GPC1: variants seen among roughly 807,000 people sequenced by gnomAD.
The protein encoded by GPC1 is glypican-1.
In GPC1, 26 loss-of-function variants were observed where a neutral mutation model predicts 51.5. The observed-to-expected ratio is 0.50, with a 90% CI of 0.37 to 0.70. The LOEUF is 0.70. Among genes scored for constraint, GPC1 ranks in the 30% least tolerant of loss-of-function variants. The pLI is 0.00. For synonymous variants in GPC1, 380 were observed against 348.3 expected (o/e 1.09, Z -1.01); for missense variants, 775 against 800.5 (o/e 0.97, Z 0.38).
chr2:240,446,084 C>T (rs80157718), intron 1 of GPC1, among the ~76,000 whole-genome samples: 3 of 152,366 alleles, frequency 2.0e-5, no homozygotes, highest in African/African-American at 7.2e-5. Flanking sequence ...AGAGAAAGTC[C>T]GGCTGACCTG....
In GPC1 at chr2:240,467,671, C is replaced by T. The variant is rs2074276482; in HGVS notation, c.*1381C>T. On this transcript the variant is annotated 3_prime_UTR_variant, in exon 9 of 9. Transcript: ENST00000264039. ...GAGGAGGCCGCTTAGTGCTGCTTTG[C>T]TTTTCATCACCGTCCCGCACAGTGG... 1 of 152,352 alleles carries T rather than the reference C, an allele frequency of 6.6e-6. No individual in the cohort carries two copies. The highest frequency in any genetic ancestry group is 6.5e-5 in the Admixed American group (1 of 15,286). 9.4% of individuals were successfully genotyped at this position (152,352 alleles called of 1,614,324 possible). A position where few individuals can be genotyped will look rare whatever the true frequency, so the allele number is the denominator to read the frequency against.
Position 240,464,710 on chromosome 2 carries a change from C to T in GPC1, c.978C>T (p.Asn326=), listed in dbSNP as rs950413778. The T allele has an allele frequency of 1.5e-5, 24 of 1,611,688 alleles. No homozygotes were observed. Among genetic ancestry groups the T allele is most frequent in the Middle Eastern group, 1.6e-4 (1 of 6,082 alleles). ...SVHTWLAEAI[N]ALQDNRDTLT... is the part of the protein sequence containing the mutation. ...ACACGTGGCTGGCGGAGGCCATCAA[C>T]GCCCTCCAGGACAACAGGGACACGC... is the stretch of plus-strand genomic sequence containing the variant. Residue 326 remains asparagine (N), a synonymous_variant, in exon 5 of 9, where the codon AAC becomes AAT. Transcript: ENST00000264039.
At chr2:240,461,833 G>A (rs1442403059) in intron 2 of GPC1, among the ~76,000 whole-genome samples, 1 of 152,036 alleles carries the variant, frequency 6.6e-6, no homozygotes, top group Non-Finnish European at 1.5e-5. Context: ...TTACCCCAGT[G>A]AGTCCCCATC....
intron 1 of GPC1, chr2:240,451,985 T>C (rs1357966480): frequency 6.5e-6 from 1 of 152,854 alleles, no homozygotes; most frequent in Non-Finnish European, 1.5e-5. Flanking sequence ...CCTGCCTTGG[T>C]GGTCTGTCCA....
intron 8 of GPC1, 145 bp from the exon 9 acceptor site, chr2:240,465,912 AG>A: frequency 1.6e-6 from 1 of 627,404 alleles, no homozygotes; most frequent in Non-Finnish European, 2.8e-6. Flanking sequence ...TCCCAGCCTC[AG>A]GGGTCAGCGG....
chr2:240,461,296 C>G (rs1192462800), intron 2 of GPC1, among the ~76,000 whole-genome samples: 1 of 152,182 alleles, frequency 6.6e-6, no homozygotes, highest in Non-Finnish European at 1.5e-5. Context: ...GGCTTGACGG[C>G]CCCCGTGCCT....
chr2:240,450,509 G>C, intron 1 of GPC1: 1 of 444,992 alleles, frequency 2.2e-6, no homozygotes, highest in Non-Finnish European at 4.8e-6. Flanking sequence ...TACAGCTGCT[G>C]TGAAGATGAA....
At chr2:240,456,768 C>T (rs911994928) in intron 1 of GPC1, 9 of 377,770 alleles carry the variant, frequency 2.4e-5, no homozygotes, top group African/African-American at 4.2e-5. Context: ...CCTGCCCCCA[C>T]GGGGGTGGGA....
At chr2:240,447,548 C>A (rs1417615656) in intron 1 of GPC1, among the ~76,000 whole-genome samples, 1 of 152,190 alleles carries the variant, frequency 6.6e-6, no homozygotes, top group Non-Finnish European at 1.5e-5. Context: ...TGGGGAAAGC[C>A]ACACCCTTGG....
chr2:240,457,021 C>G (rs1193648603), intron 1 of GPC1, among the ~76,000 whole-genome samples: 1 of 152,218 alleles, frequency 6.6e-6, no homozygotes, highest in Non-Finnish European at 1.5e-5. Flanking sequence ...CCCCCTCCAG[C>G]AGGCATCTGG....
intron 1 of GPC1, among the ~76,000 whole-genome samples, chr2:240,454,590 C>T (rs2074138701): frequency 6.6e-6 from 1 of 152,328 alleles, no homozygotes; most frequent in East Asian, 1.9e-4. Context: ...GGCTGCGGTG[C>T]CTGGAGCTCT....
At chr2:240,436,268 C>G (rs537681953) in intron 1 of GPC1, among the ~76,000 whole-genome samples, 184 bp downstream of exon 1, 1 of 152,112 alleles carries the variant, frequency 6.6e-6, no homozygotes, top group South Asian at 2.1e-4. Flanking sequence ...GCCTCCAAGC[C>G]CCGCGCCGCA....
At position 240,466,765 on chromosome 2, in the gene GPC1, T is replaced by A; in HGVS notation, c.*475T>A. ...AGAAGCCCCGCACGGGCTGTCTGGG[T>A]GTCCGCCATCCAGGGTCTGGCAGAG... On this transcript the variant is annotated 3_prime_UTR_variant, in exon 9 of 9. Coordinates refer to ENST00000264039, the MANE Select transcript of GPC1 (RefSeq NM_002081.3). The A allele has an allele frequency of 6.2e-6, 1 of 160,384 alleles. No homozygotes were observed. The highest frequency in any genetic ancestry group is 1.8e-4 in the East Asian group (1 of 5,444). The allele number at this position is 160,384 out of a possible 1,614,324, so 9.9% of individuals were successfully genotyped here.
chr2:240,435,800 A>G lies in GPC1; in HGVS notation c.-119A>G. 1 of 637,736 alleles carries G rather than the reference A, an allele frequency of 1.6e-6. No homozygotes were observed. The highest frequency in any genetic ancestry group is 2.2e-6 in the Non-Finnish European group (1 of 458,748). 39.5% of individuals were successfully genotyped at this position (637,736 alleles called of 1,614,324 possible). A position where few individuals can be genotyped will look rare whatever the true frequency, so the allele number is the denominator to read the frequency against. On this transcript the variant is annotated 5_prime_UTR_variant, in exon 1 of 9. Transcript: ENST00000264039. ...CCTCCTCGGCCGCCGCCGCCTCTGG[A>G]CCGCGAGCCGCGCGCGCCGGGACCT...
In GPC1 at chr2:240,465,208, C is replaced by T. The variant is rs764256217; in HGVS notation, c.1266C>T (p.Gly422=). ...DDRCWNGMAR[G]RYLPEVMGDG... ...GCTGCTGGAACGGGATGGCCAGAGGCCGGTAGGTGCCCACCTGGCTGGCAC... is the reference window on the plus strand; with the variant it reads ...GCTGCTGGAACGGGATGGCCAGAGGTCGGTAGGTGCCCACCTGGCTGGCAC... Residue 422 remains glycine, a splice_region_variant and synonymous_variant, in exon 7 of 9, where the codon GGC becomes GGT. Transcript: ENST00000264039. 11 of 1,604,200 alleles carry T rather than the reference C, an allele frequency of 6.9e-6. No individual in the cohort carries two copies. The highest frequency in any genetic ancestry group is 8.5e-6 in the Non-Finnish European group (10 of 1,175,226).
rs1318463236 is a variant in GPC1 at position 240,466,411 on chromosome 2, C to T, written c.*121C>T. On this transcript the variant is annotated 3_prime_UTR_variant, in exon 9 of 9. Transcript: ENST00000264039. ...GGTGGGACAGGGAGGGCCGGCGGCTCTGAGCAGGGGCAGGCGCAGAGGTCC... is the reference window on the plus strand; with the variant it reads ...GGTGGGACAGGGAGGGCCGGCGGCTTTGAGCAGGGGCAGGCGCAGAGGTCC... The T allele has an allele frequency of 1.1e-5, 7 of 634,704 alleles. No individual in the cohort carries two copies. Among genetic ancestry groups the T allele is most frequent in the Non-Finnish European group, 2.0e-5 (7 of 356,770 alleles). 39.3% of individuals were successfully genotyped at this position (634,704 alleles called of 1,614,324 possible).
intron 2 of GPC1, among the ~76,000 whole-genome samples, chr2:240,460,936 G>T (rs1010574235): frequency 4.6e-5 from 7 of 152,160 alleles, no homozygotes; most frequent in East Asian, 3.9e-4. Flanking sequence ...TAGGAGGGGA[G>T]CCTGGCTGGA....
rs749322077 is a variant in GPC1 at position 240,462,497 on chromosome 2, T to C, written c.632T>C (p.Leu211Pro). 2.2e-5 allele frequency: 35 copies of C among 1,595,880 alleles called. No homozygotes were observed. The highest frequency in any genetic ancestry group is 3.4e-5 in the Admixed American group (2 of 59,038). ...GGGGAGGCCCCGAGAGAGCTGCGCC[T>C]GCGGGCCACCCGTGCCTTCGTGGCT... Reference protein sequence around the residue: ...PFGEAPRELRLRATRAFVAAR... With the variant: ...PFGEAPRELRPRATRAFVAAR... Residue 211 changes from leucine (L) to proline (P), a missense_variant, in exon 3 of 9, where the codon CTG (leucine) becomes CCG (proline). Coordinates refer to ENST00000264039, the MANE Select transcript of GPC1 (RefSeq NM_002081.3).
At chr2:240,463,575 G>T in intron 4 of GPC1, 63 bp downstream of exon 4, 1 of 1,451,310 alleles carries the variant, frequency 6.9e-7, no homozygotes, top group Non-Finnish European at 9.6e-7. Context: ...TGGGGGTCCT[G>T]GGGGGCGGGT....
Sources: gnomAD v4.1 joint callset for allele counts (sites outside exome capture counted in the v4.1 genomes callset) on GRCh38, gnomAD v4.1.1 for gene constraint, MANE v1.5 for transcripts, NCBI Gene and HGNC (gene_info 2026-07-23, HGNC 2026-07-21) for gene names.